HS6ST3: variants seen among roughly 807,000 people sequenced by gnomAD.
HS6ST3 encodes the protein heparan-sulfate 6-O-sulfotransferase 3.
In HS6ST3, 12 loss-of-function variants were observed where a neutral mutation model predicts 36.7. The ratio of observed to expected loss-of-function variants is 0.33; its 90% CI spans 0.21 to 0.53. The LOEUF is 0.53. HS6ST3 is among the 20% of genes least tolerant of loss of function. The probability of loss-of-function intolerance (pLI) is 0.95; values close to 1 mark genes in which losing one functional copy is unlikely to be tolerated. For synonymous variants in HS6ST3, 240 were observed against 257.5 expected, an observed-to-expected ratio of 0.93 and a Z score of 0.65; for missense variants, 584 against 640.9, an observed-to-expected ratio of 0.91 and a Z score of 0.96.
intron 1 of HS6ST3, among the ~76,000 whole-genome samples, chr13:96,367,585 A>G (rs927928152): frequency 6.6e-6 from 1 of 152,164 alleles, no homozygotes; most frequent in Non-Finnish European, 1.5e-5. Context: ...TTCTGTTCTT[A>G]GGACAGTTCC....
At chr13:96,750,318 C>T (rs1038149244) in intron 1 of HS6ST3, among the ~76,000 whole-genome samples, 4 of 152,280 alleles carry the variant, frequency 2.6e-5, no homozygotes, top group African/African-American at 7.2e-5. Context: ...TTGTAAGAAA[C>T]GTGATATTAC....
chr13:96,242,781 T>G (rs981750900), intron 1 of HS6ST3, among the ~76,000 whole-genome samples: 5 of 152,208 alleles, frequency 3.3e-5, no homozygotes, highest in Admixed American at 2.6e-4. Context: ...CTAAAAGATT[T>G]AGAAATAGAA....
rs774399363 is a variant in HS6ST3, at chr13:96,657,580, A to G, written c.708-174910A>G. On this transcript the variant is annotated intron_variant, in intron 1 of 1. Transcript: ENST00000376705. ...CAATGTCCTGTCAATTATTGTTTCA[A>G]ATGAAAAGTTTTAGGTTTCAAATGC... 6.3e-4 allele frequency among the ~76,000 whole-genome samples: 96 copies of G among 152,202 alleles called. 1 individual carries two copies. Among genetic ancestry groups the G allele is most frequent in the Non-Finnish European group, 2.6e-4 (18 of 68,042 alleles).
chr13:96,829,216 C>T (rs1177850307), intron 1 of HS6ST3, among the ~76,000 whole-genome samples: 2 of 152,108 alleles, frequency 1.3e-5, no homozygotes, highest in African/African-American at 2.4e-5. Context: ...TGCTTCAAAC[C>T]TGTCCTGATG....
intron 1 of HS6ST3, among the ~76,000 whole-genome samples, chr13:96,559,261 C>T (rs186175548): frequency 4.6e-5 from 7 of 151,716 alleles, no homozygotes; most frequent in South Asian, 2.1e-4. Context: ...GGACTATAGA[C>T]GCCCCCCCCA....
chr13:96,759,890 A>C (rs1876923151), intron 1 of HS6ST3, among the ~76,000 whole-genome samples: 1 of 151,988 alleles, frequency 6.6e-6, no homozygotes, highest in Admixed American at 6.6e-5. Context: ...ATTACTCCTT[A>C]TTCCATAATA....
intron 1 of HS6ST3, among the ~76,000 whole-genome samples, chr13:96,133,562 A>G (rs2053986585): frequency 6.6e-6 from 1 of 152,050 alleles, no homozygotes; most frequent in Non-Finnish European, 1.5e-5. Flanking sequence ...AGGTGGGACT[A>G]CAGGTGTGCA....
At chr13:96,299,068 G>A (rs1240966055) in intron 1 of HS6ST3, among the ~76,000 whole-genome samples, 2 of 152,170 alleles carry the variant, frequency 1.3e-5, no homozygotes, top group African/African-American at 4.8e-5. Flanking sequence ...AAGTCCAAAT[G>A]TACTGTTTCT....
chr13:96,717,787 G>A lies in HS6ST3; in HGVS notation c.708-114703G>A, dbSNP rs1029050459. Among the ~76,000 whole-genome samples, 5 of 152,278 alleles carry A rather than the reference G, an allele frequency of 3.3e-5. No individual in the cohort carries two copies. In the South Asian group the frequency reaches 1.0e-3, roughly 32 times the overall value. ...TTAAGCCTGGTGTGTGTTCCCCAGA[G>A]CTTACCTCATGGAAGGGAATTCCGC... is the stretch of plus-strand genomic sequence containing the variant. On this transcript the variant is annotated intron_variant, in intron 1 of 1. Transcript: ENST00000376705.
chr13:96,192,551 T>C (rs2054293238), intron 1 of HS6ST3, among the ~76,000 whole-genome samples: 1 of 152,038 alleles, frequency 6.6e-6, no homozygotes, highest in Non-Finnish European at 1.5e-5. Context: ...TGTTATTTGG[T>C]TTTCTGTTTT....
intron 1 of HS6ST3, among the ~76,000 whole-genome samples, chr13:96,770,961 A>G (rs1266001828): frequency 6.6e-6 from 1 of 152,172 alleles, no homozygotes; most frequent in African/African-American, 2.4e-5. Flanking sequence ...AAAAGAACAC[A>G]GGGTATATAT....
chr13:96,209,222 C>T (rs2054386759), intron 1 of HS6ST3, among the ~76,000 whole-genome samples: 1 of 152,120 alleles, frequency 6.6e-6, no homozygotes, highest in Admixed American at 6.5e-5. Flanking sequence ...GAAAATGAGC[C>T]ATTGAGCAAC....
intron 1 of HS6ST3, among the ~76,000 whole-genome samples, chr13:96,641,069 T>A (rs1357668618): frequency 6.6e-6 from 1 of 151,880 alleles, no homozygotes; most frequent in Non-Finnish European, 1.5e-5. Flanking sequence ...TTAGAATAGT[T>A]TTTTTTCCTA....
At chr13:96,813,372 C>T (rs958079105) in intron 1 of HS6ST3, among the ~76,000 whole-genome samples, 2 of 152,154 alleles carry the variant, frequency 1.3e-5, no homozygotes, top group African/African-American at 4.8e-5. Flanking sequence ...GAAGGATAAA[C>T]GCCATCTGCG....
intron 1 of HS6ST3, among the ~76,000 whole-genome samples, chr13:96,608,680 A>G (rs2056447196): frequency 1.3e-5 from 2 of 152,340 alleles, no homozygotes; most frequent in Admixed American, 6.5e-5. Flanking sequence ...GACTTAAACT[A>G]TATCAGGTTT....
rs534136062 is a variant in HS6ST3, at chr13:96,770,300, G to T, written c.708-62190G>T. Among the ~76,000 whole-genome samples, 39 of 152,278 alleles carry T rather than the reference G, an allele frequency of 2.6e-4. No homozygotes were observed. The South Asian group carries it at 5.8e-3, about 23-fold the overall frequency. On this transcript the variant is annotated intron_variant, in intron 1 of 1. Transcript: ENST00000376705. ...ATGGATGAATTTATTAATTGAAAAT[G>T]GATGCTGATTATGTTTTCTGCCATT...
At chr13:96,095,863 G>GGTGTGTGTGTGTGTGTGTGTGTGTGTGT (rs141939376) in intron 1 of HS6ST3, among the ~76,000 whole-genome samples, 2 of 140,316 alleles carry the variant, frequency 1.4e-5, no homozygotes, top group African/African-American at 5.4e-5. Flanking sequence ...TTATATGACT[G>GGTGTGTGTGTGTGTGTGTGTGTGTGTGT]GTGTGTGTGT....
chr13:96,390,240 C>T (rs1420529157), intron 1 of HS6ST3, among the ~76,000 whole-genome samples: 1 of 152,148 alleles, frequency 6.6e-6, no homozygotes, highest in East Asian at 1.9e-4. Context: ...TAGAAGCACT[C>T]AATCTACATA....
chr13:96,815,755 G>A (rs765397070), intron 1 of HS6ST3, among the ~76,000 whole-genome samples: 2 of 152,154 alleles, frequency 1.3e-5, no homozygotes, highest in Non-Finnish European at 2.9e-5. Context: ...TTTGCCTTCT[G>A]CTTAAAGGAG....
Sources: allele counts gnomAD v4.1 joint callset (sites outside exome capture counted in the v4.1 genomes callset), GRCh38; gene constraint gnomAD v4.1.1; transcripts MANE v1.5; gene names NCBI Gene and HGNC (gene_info 2026-07-23, HGNC 2026-07-21).